The following CCDC171 variants were observed in gnomAD, a reference collection of about 807,000 sequenced individuals.
CCDC171 encodes coiled-coil domain containing 171.
Under a neutral mutation model 168.2 loss-of-function variants are expected in CCDC171, and 177 were observed. The observed-to-expected ratio is 1.05, with a 90% confidence interval of 0.93 to 1.19. The LOEUF is 1.19. Ranked by LOEUF, CCDC171 falls within the 50% of genes most tolerant of loss-of-function variation. The pLI is 0.00. For synonymous variants in CCDC171, 687 were observed against 540.8 expected (o/e 1.27, Z -3.75); for missense variants, 1,991 against 1,539.0 (o/e 1.29, Z -4.91).
At chr9:15,932,482 C>T (rs1826642104) in intron 25 of CCDC171, among the ~76,000 whole-genome samples, 1 of 151,786 alleles carries the variant, frequency 6.6e-6, no homozygotes, top group Non-Finnish European at 1.5e-5. Flanking sequence ...TTACTGAATT[C>T]ATTTATTACT....
intron 3 of CCDC171, among the ~76,000 whole-genome samples, chr9:15,574,243 C>G (rs540932814): frequency 6.6e-6 from 1 of 151,930 alleles, no homozygotes. Flanking sequence ...CTCCCAGGTT[C>G]AAGCGTTCCT....
chr9:16,080,989 CCGT>C, the CCDC171 span, among the ~76,000 whole-genome samples: 1 of 152,146 alleles, frequency 6.6e-6, no homozygotes, highest in Admixed American at 6.5e-5. Context: ...TTATTTGCAG[CCGT>C]CTCTCTTGCG....
chr9:15,621,043 G>A (rs1447857472), intron 6 of CCDC171, among the ~76,000 whole-genome samples: 1 of 152,094 alleles, frequency 6.6e-6, no homozygotes, highest in East Asian at 1.9e-4. Flanking sequence ...TCGACTCACT[G>A]CAATCTCTGC....
intron 18 of CCDC171, among the ~76,000 whole-genome samples, chr9:15,768,656 A>T (rs2056857658): frequency 6.6e-6 from 1 of 152,212 alleles, no homozygotes. Context: ...CTTATTAGAG[A>T]ATATTAGTAT....
chr9:16,098,572 G>A, the CCDC171 span, among the ~76,000 whole-genome samples: 7 of 152,112 alleles, frequency 4.6e-5, no homozygotes, highest in South Asian at 2.1e-4. Flanking sequence ...TCATATGTCC[G>A]CTTCCCAGTG....
chr9:15,889,659 C>G (rs59198090), intron 24 of CCDC171, among the ~76,000 whole-genome samples: 5 of 152,178 alleles, frequency 3.3e-5, no homozygotes, highest in Non-Finnish European at 5.9e-5. Flanking sequence ...TAGGAATCCT[C>G]TGAGGCATTA....
chr9:15,861,548 G>C (rs905955034), intron 23 of CCDC171, among the ~76,000 whole-genome samples: 2 of 151,540 alleles, frequency 1.3e-5, no homozygotes, highest in Non-Finnish European at 2.9e-5. Context: ...TTTGTTTCCA[G>C]TTACCCTGGG....
intron 1 of CCDC171, among the ~76,000 whole-genome samples, chr9:16,059,555 C>CA (rs1833899184): frequency 7.4e-6 from 1 of 135,136 alleles, no homozygotes; most frequent in Non-Finnish European, 1.5e-5. Flanking sequence ...TCGCCCAGGC[C>CA]GGACTGCGGA....
chr9:16,050,264 G>A (rs960926383), intron 1 of CCDC171, among the ~76,000 whole-genome samples: 12 of 152,174 alleles, frequency 7.9e-5, no homozygotes, highest in Admixed American at 6.5e-5. Flanking sequence ...CTACTTAATG[G>A]TAAAGGATAA....
intron 18 of CCDC171, among the ~76,000 whole-genome samples, chr9:15,752,063 GA>G (rs2055783201): frequency 1.3e-5 from 2 of 151,808 alleles, no homozygotes; most frequent in African/African-American, 4.8e-5. Context: ...AAATTTACAA[GA>G]AAAAAACAAC....
intron 7 of CCDC171, among the ~76,000 whole-genome samples, chr9:15,633,934 A>G (rs1336478679): frequency 6.6e-6 from 1 of 152,148 alleles, no homozygotes; most frequent in Non-Finnish European, 1.5e-5. Context: ...ACAACAAACG[A>G]AACACCGCAT....
intron 24 of CCDC171, among the ~76,000 whole-genome samples, chr9:15,877,684 C>T (rs1588961828): frequency 6.6e-6 from 1 of 152,042 alleles, no homozygotes; most frequent in Admixed American, 6.6e-5. Flanking sequence ...AGAATAAAAA[C>T]ACCCCTATTA....
chr9:16,047,756 A>T (rs75743858), intron 1 of CCDC171, among the ~76,000 whole-genome samples: 1 of 152,246 alleles, frequency 6.6e-6, no homozygotes, highest in African/African-American at 2.4e-5. Context: ...TCAATTGTAG[A>T]ATAGGGATCA....
chr9:16,099,992 A>T, the CCDC171 span, among the ~76,000 whole-genome samples: 4 of 145,748 alleles, frequency 2.7e-5, no homozygotes, highest in Admixed American at 6.8e-5. Context: ...GTATGGAGAT[A>T]GCTTTCAAGT....
At chr9:15,641,536 C>T (rs1463966064) in intron 7 of CCDC171, among the ~76,000 whole-genome samples, 2 of 152,136 alleles carry the variant, frequency 1.3e-5, no homozygotes, top group Admixed American at 6.5e-5. Context: ...ACGTGGAGAA[C>T]ATCTGGGTAT....
At chr9:15,636,077 C>T (rs912115541) in intron 7 of CCDC171, among the ~76,000 whole-genome samples, 2 of 152,034 alleles carry the variant, frequency 1.3e-5, no homozygotes, top group Non-Finnish European at 2.9e-5. Flanking sequence ...ATTAGGCATT[C>T]ATGTATCTTC....
rs1588812392 is a variant in CCDC171, at chr9:15,844,886, A to G, written c.3268-1816A>G. 2.0e-5 allele frequency among the ~76,000 whole-genome samples: 3 copies of G among 152,234 alleles called. No individual in the cohort carries two copies. In the South Asian group the frequency reaches 6.2e-4, roughly 32 times the overall value. Reference sequence around the variant, plus strand: ...CCCTGAGATTGGATCAGGAAGCTTCAGTCTGGATAAGGTTAGAGATAATAT... The same window carrying G: ...CCCTGAGATTGGATCAGGAAGCTTCGGTCTGGATAAGGTTAGAGATAATAT... On this transcript the variant is annotated intron_variant, in intron 21 of 25. Coordinates refer to ENST00000380701, the MANE Select transcript of CCDC171 (RefSeq NM_173550.4).
At chr9:15,638,016 C>G (rs1293705635) in intron 7 of CCDC171, among the ~76,000 whole-genome samples, 5 of 152,132 alleles carry the variant, frequency 3.3e-5, no homozygotes, top group Non-Finnish European at 7.4e-5. Context: ...AATGGTATTT[C>G]TAGTTCTAGA....
intron 7 of CCDC171, among the ~76,000 whole-genome samples, chr9:15,642,362 T>TATATAC (rs1564118996): frequency 4.4e-5 from 2 of 45,074 alleles, no homozygotes; most frequent in African/African-American, 1.0e-4. Flanking sequence ...TATATATATA[T>TATATAC]ATATATATAT....
Sources: gnomAD v4.1 joint callset for allele counts (sites outside exome capture counted in the v4.1 genomes callset) on GRCh38, gnomAD v4.1.1 for gene constraint, MANE v1.5 for transcripts, NCBI Gene and HGNC (gene_info 2026-07-23, HGNC 2026-07-21) for gene names.